Variants in ERP44 observed in about 807,000 individuals in gnomAD.
ERP44 encodes endoplasmic reticulum protein 44, also known as endoplasmic reticulum resident protein 44.
Under a neutral mutation model 53.4 loss-of-function variants are expected in ERP44, and 25 were observed. That is an observed-to-expected ratio of 0.47 (90% CI 0.34 to 0.65). The LOEUF (loss-of-function observed/expected upper bound fraction) is 0.65, where lower values mean the gene tolerates loss of function less well. Ranked by LOEUF, ERP44 falls within the 30% of genes least tolerant of loss-of-function variation. The probability of loss-of-function intolerance (pLI) is 0.01; values close to 1 mark genes in which losing one functional copy is unlikely to be tolerated. For missense variants in ERP44, 338 were observed against 493.2 expected (o/e 0.69, Z 2.98); for synonymous variants, 145 against 161.2 (o/e 0.90, Z 0.76).
At chr9:99,999,211 G>A (rs1256368274) in intron 10 of ERP44, 6 of 421,456 alleles carry the variant, frequency 1.4e-5, no homozygotes, top group East Asian at 4.4e-5. Context: ...CCGTCCTCTC[G>A]ATGTTGATCA....
chr9:99,981,431 G>GGATT lies in ERP44; in HGVS notation c.*1177_*1180dup, dbSNP rs1236399765. 2 of 152,444 alleles carry GGATT rather than the reference G, an allele frequency of 1.3e-5. No homozygotes were observed. The highest frequency in any genetic ancestry group is 4.8e-5 in the African/African-American group (2 of 41,386). The allele number at this position is 152,444 out of a possible 1,614,324, so 9.4% of individuals were successfully genotyped here. On this transcript the variant is annotated 3_prime_UTR_variant, in exon 12 of 12. Transcript: ENST00000262455. Reference sequence around the variant, plus strand: ...TTAAAAATAATCTTTTCCCAAACTGGGATTGATTTATACCCAAGTATAAAA... The same window carrying GGATT: ...TTAAAAATAATCTTTTCCCAAACTGGGATTGATTGATTTATACCCAAGTATAAAA...
chr9:99,990,500 A>G (rs1446286494), intron 10 of ERP44, among the ~76,000 whole-genome samples: 1 of 152,214 alleles, frequency 6.6e-6, no homozygotes, highest in Non-Finnish European at 1.5e-5. Context: ...GCCTTACAAG[A>G]GCTCCTGAAG....
intron 1 of ERP44, among the ~76,000 whole-genome samples, chr9:100,069,049 G>A (rs1202291880): frequency 6.6e-6 from 1 of 152,088 alleles, no homozygotes; most frequent in African/African-American, 2.4e-5. Flanking sequence ...AATGGATTAA[G>A]GGCGGTGCAA....
chr9:100,019,169 G>C (rs918729266), intron 6 of ERP44, among the ~76,000 whole-genome samples: 2 of 152,210 alleles, frequency 1.3e-5, no homozygotes, highest in Non-Finnish European at 2.9e-5. Flanking sequence ...AAAGTTATCA[G>C]GCAAGGACTT....
chr9:100,008,992 C>T (rs995143168), intron 8 of ERP44, among the ~76,000 whole-genome samples: 31 of 152,172 alleles, frequency 2.0e-4, no homozygotes, highest in African/African-American at 7.5e-4. Context: ...ATCTGCCTGC[C>T]TCAGCCTCCC....
At position 100,020,702 on chromosome 9, in the gene ERP44, A is replaced by G; in HGVS notation, c.501T>C (p.Phe167=). ...DRSKRNIIGY[F]EQKDSDNYRV... The stretch of plus-strand genomic sequence containing the variant: ...TATAGTTGTCCGAGTCCTTTTGCTC[A>G]AAATATCCAATGATATTTCTTTTGC... The change falls in exon 6 of 12, where the codon TTT becomes TTC. Residue 167 remains phenylalanine, a synonymous_variant. Coordinates refer to ENST00000262455, the MANE Select transcript of ERP44 (RefSeq NM_015051.3). 1.2e-6 allele frequency: 2 copies of G among 1,603,118 alleles called. No individual in the cohort carries two copies. The highest frequency in any genetic ancestry group is 1.7e-6 in the Non-Finnish European group (2 of 1,170,700).
chr9:100,031,976 T>A (rs1825795648), intron 4 of ERP44, among the ~76,000 whole-genome samples: 1 of 152,216 alleles, frequency 6.6e-6, no homozygotes, highest in South Asian at 2.1e-4. Context: ...TTTTTGGGCA[T>A]GCTTAATGGC....
intron 4 of ERP44, among the ~76,000 whole-genome samples, chr9:100,047,658 C>T (rs944818868): frequency 6.6e-6 from 1 of 152,170 alleles, no homozygotes; most frequent in Non-Finnish European, 1.5e-5. Context: ...AGTAAAGCTT[C>T]ATGACATTAG....
rs145399977 is a variant in ERP44 at position 100,077,864 on chromosome 9, A to G, written c.58-17692T>C. The stretch of plus-strand genomic sequence containing the variant: ...TGTTAGGGTGTCTCTTAGTATTACT[A>G]TGCCTTGTGATTAACCACAACAGCC... On this transcript the variant is annotated intron_variant, in intron 1 of 11. Transcript: ENST00000262455. Among the ~76,000 whole-genome samples, 127 of 152,342 alleles carry G rather than the reference A, an allele frequency of 8.3e-4. No individual in the cohort carries two copies. In the Middle Eastern group the frequency reaches 0.027, roughly 33 times the overall value.
intron 1 of ERP44, among the ~76,000 whole-genome samples, chr9:100,063,718 A>G (rs1286372568): frequency 6.6e-6 from 1 of 152,250 alleles, no homozygotes; most frequent in Admixed American, 6.5e-5. Flanking sequence ...TGAAATATTT[A>G]GACAACATAT....
chr9:100,039,736 T>C (rs1222071589), intron 4 of ERP44, among the ~76,000 whole-genome samples: 1 of 152,006 alleles, frequency 6.6e-6, no homozygotes, highest in East Asian at 1.9e-4. Flanking sequence ...TAACAAAAAG[T>C]TGGTTTTTTG....
At chr9:100,016,633 C>T (rs961048728) in intron 7 of ERP44, among the ~76,000 whole-genome samples, 195 bp from the exon 8 acceptor site, 2 of 152,162 alleles carry the variant, frequency 1.3e-5, no homozygotes, top group African/African-American at 4.8e-5. Context: ...TCCAGAGTAG[C>T]TGGGACTACA....
intron 10 of ERP44, among the ~76,000 whole-genome samples, chr9:99,990,686 G>A (rs533940591): frequency 6.6e-6 from 1 of 152,252 alleles, no homozygotes; most frequent in South Asian, 2.1e-4. Flanking sequence ...AACGTAAATG[G>A]GCTAAATGCC....
intron 1 of ERP44, among the ~76,000 whole-genome samples, chr9:100,095,372 T>C (rs1250753615): frequency 6.6e-6 from 1 of 152,102 alleles, no homozygotes; most frequent in African/African-American, 2.4e-5. Context: ...ATTTAAAAAG[T>C]TTTATAAGTG....
At chr9:100,016,081 T>G (rs2118645755) in intron 8 of ERP44, among the ~76,000 whole-genome samples, 1 of 152,304 alleles carries the variant, frequency 6.6e-6, no homozygotes, top group African/African-American at 2.4e-5. Context: ...AAAGGCATTT[T>G]CAAACTCATT....
At position 100,036,428 on chromosome 9, in the gene ERP44, A is replaced by G. The variant is rs533286568; in HGVS notation, c.287-14202T>C. ...AAATACTGCATGTTCTCACTTTTAA[A>G]TGGGAGCAAAACATTAGGTATACAT... is the stretch of plus-strand genomic sequence containing the variant. On this transcript the variant is annotated intron_variant, in intron 4 of 11. Transcript: ENST00000262455. 7.9e-5 allele frequency among the ~76,000 whole-genome samples: 12 copies of G among 152,272 alleles called. No individual in the cohort carries two copies. The South Asian group carries it at 2.5e-3, about 32-fold the overall frequency.
chr9:100,048,256 G>A (rs976086939), intron 4 of ERP44, among the ~76,000 whole-genome samples: 1 of 151,812 alleles, frequency 6.6e-6, no homozygotes, highest in Non-Finnish European at 1.5e-5. Flanking sequence ...CACCAACATG[G>A]CACATTTATA....
intron 9 of ERP44, 67 bp downstream of exon 9, chr9:100,007,511 G>C (rs1247488017): frequency 1.2e-6 from 1 of 817,016 alleles, no homozygotes; most frequent in African/African-American, 1.7e-5. Context: ...TGGGAGAGGA[G>C]ATGATGAAAG....
Position 100,098,945 on chromosome 9 carries a change from G to T in ERP44, c.-105C>A. On this transcript the variant is annotated 5_prime_UTR_variant, in exon 1 of 12. Transcript: ENST00000262455. ...GGCTCCGGGAGCCGACGGCAGCGGAGGATTCTCCAGGCAGCGGCACCTCGT... is the reference window on the plus strand; with the variant it reads ...GGCTCCGGGAGCCGACGGCAGCGGATGATTCTCCAGGCAGCGGCACCTCGT... 1.2e-6 allele frequency: 1 copy of T among 860,926 alleles called. No individual in the cohort carries two copies. The allele number at this position is 860,926 out of a possible 1,614,324, so 53.3% of individuals were successfully genotyped here.
Sources: allele counts gnomAD v4.1 joint callset (sites outside exome capture counted in the v4.1 genomes callset), GRCh38; gene constraint gnomAD v4.1.1; transcripts MANE v1.5; gene names NCBI Gene and HGNC (gene_info 2026-07-23, HGNC 2026-07-21).